The following SMYD2 variants were observed in gnomAD, a reference collection of about 807,000 sequenced individuals.
The protein encoded by SMYD2 is N-lysine methyltransferase SMYD2.
SMYD2 carries 53 observed loss-of-function variants against 59.1 expected under a neutral mutation model. The observed-to-expected ratio is 0.90, with a 90% CI of 0.72 to 1.13. SMYD2 has a LOEUF of 1.13. SMYD2 is among the 50% of genes most tolerant of loss of function. SMYD2 has a pLI of 0.00. For missense variants in SMYD2, 494 were observed against 544.7 expected (o/e 0.91, Z 0.93); for synonymous variants, 208 against 198.8 (o/e 1.05, Z -0.39).
chr1:214,308,813 A>G (rs953494943), intron 2 of SMYD2, among the ~76,000 whole-genome samples: 2 of 152,192 alleles, frequency 1.3e-5, no homozygotes, highest in African/African-American at 2.4e-5. Context: ...GTGGCAGAAC[A>G]GAGATGAGAC....
chr1:214,331,093 T>C (rs1165536926), intron 9 of SMYD2, 23 bp downstream of exon 9: 4 of 1,611,358 alleles, frequency 2.5e-6, no homozygotes, highest in African/African-American at 1.3e-5. Context: ...ACTGCCCTGA[T>C]AGCTTATTAT....
At chr1:214,309,524 G>T (rs930479849) in intron 2 of SMYD2, among the ~76,000 whole-genome samples, 1 of 152,288 alleles carries the variant, frequency 6.6e-6, no homozygotes, top group South Asian at 2.1e-4. Flanking sequence ...TGCTGAGGGG[G>T]TTATGAGTAA....
Position 214,312,382 on chromosome 1 carries a change from A to G in SMYD2, c.238-2380A>G, listed in dbSNP as rs1657011312. On this transcript the variant is annotated intron_variant, in intron 2 of 11. Transcript: ENST00000366957. This position sits in a 1 kb window ranked among gnomAD's most constrained non-coding sequence, Gnocchi z 4.1. ...AGTTCTGGGGTTACAGCTATGAACA[A>G]AACAAAATTTCTTTATTTTCCTGGG... is the stretch of plus-strand genomic sequence containing the variant. Among the ~76,000 whole-genome samples the G allele has an allele frequency of 6.6e-6, 1 of 152,216 alleles. No individual in the cohort carries two copies. Among genetic ancestry groups the G allele is most frequent in the South Asian group, 2.1e-4 (1 of 4,830 alleles).
At chr1:214,315,075 C>T (rs566642251) in intron 3 of SMYD2, among the ~76,000 whole-genome samples, 2 of 152,292 alleles carry the variant, frequency 1.3e-5, no homozygotes, top group South Asian at 4.1e-4. Flanking sequence ...TAGGATGTTG[C>T]TTACCCTAGA....
rs945256220 is a variant in SMYD2, at chr1:214,318,511, G to A, written c.410-348G>A. 2.6e-5 allele frequency among the ~76,000 whole-genome samples: 4 copies of A among 152,086 alleles called. No homozygotes were observed. Among genetic ancestry groups the A allele is most frequent in the Admixed American group, 1.3e-4 (2 of 15,260 alleles). On this transcript the variant is annotated intron_variant, in intron 4 of 11. Coordinates refer to ENST00000366957, the MANE Select transcript of SMYD2 (RefSeq NM_020197.3). The surrounding 1 kb of genome is among the most constrained non-coding windows in gnomAD (Gnocchi z 5.4). ...AGGGGTTGTCCAGTTGTTTGACCAC[G>A]GCCCAGATTCCCGGGCCAATTGGGG... is the stretch of plus-strand genomic sequence containing the variant.
intron 1 of SMYD2, among the ~76,000 whole-genome samples, chr1:214,293,884 C>G (rs1656679109): frequency 6.6e-6 from 1 of 152,040 alleles, no homozygotes; most frequent in Non-Finnish European, 1.5e-5. Context: ...CCATGTTGGT[C>G]TGGCTGGTTT....
At chr1:214,326,750 G>A (rs184280044) in intron 6 of SMYD2, among the ~76,000 whole-genome samples, 2 of 152,218 alleles carry the variant, frequency 1.3e-5, no homozygotes, top group Admixed American at 1.3e-4. Context: ...AGCAGGAGAG[G>A]GGCTGTGGTC....
chr1:214,318,157 C>G lies in SMYD2; in HGVS notation c.409+18C>G. 1 of 1,611,596 alleles carries G rather than the reference C, an allele frequency of 6.2e-7. No individual in the cohort carries two copies. On this transcript the variant is annotated intron_variant, in intron 4 of 11. Coordinates refer to ENST00000366957, the MANE Select transcript of SMYD2 (RefSeq NM_020197.3). This position sits in a 1 kb window ranked among gnomAD's most constrained non-coding sequence, Gnocchi z 5.4. ...TGAATCACGTAAGTCTTTCTGTGAC[C>G]AGCCGCGCAGTTCTCTCAGCCACAG...
At chr1:214,313,944 C>T (rs187671021) in intron 2 of SMYD2, among the ~76,000 whole-genome samples, 3 of 152,098 alleles carry the variant, frequency 2.0e-5, no homozygotes, top group East Asian at 1.9e-4. Flanking sequence ...TTTGGGAGGC[C>T]GAAGCAGGTG....
intron 1 of SMYD2, among the ~76,000 whole-genome samples, chr1:214,291,360 T>C (rs539370555): frequency 3.4e-4 from 52 of 152,218 alleles, no homozygotes; most frequent in Non-Finnish European, 7.1e-4. Flanking sequence ...TGTTTAACCA[T>C]GTTGGGACTC....
At chr1:214,315,477 A>G (rs572190272) in intron 3 of SMYD2, among the ~76,000 whole-genome samples, 1 of 152,340 alleles carries the variant, frequency 6.6e-6, no homozygotes, top group South Asian at 2.1e-4. Context: ...GAAACAGATG[A>G]TAGTCATCAA....
chr1:214,334,971 T>C (rs1330660735), intron 11 of SMYD2, among the ~76,000 whole-genome samples: 1 of 152,226 alleles, frequency 6.6e-6, no homozygotes, highest in Admixed American at 6.5e-5. Context: ...CGCCTTTGGT[T>C]TGATGGCGGC....
intron 8 of SMYD2, 81 bp from the exon 9 acceptor site, chr1:214,330,869 A>C: frequency 1.9e-6 from 3 of 1,595,500 alleles, no homozygotes; most frequent in African/African-American, 2.7e-5. Context: ...CTGTGTGGGA[A>C]TGTGTATTAT....
chr1:214,315,299 T>A (rs904666979), intron 3 of SMYD2, among the ~76,000 whole-genome samples: 1 of 152,148 alleles, frequency 6.6e-6, no homozygotes, highest in African/African-American at 2.4e-5. Flanking sequence ...CTTTCTTGGC[T>A]CCTTTCTTGC....
chr1:214,316,067 G>A (rs2102469627), intron 3 of SMYD2, among the ~76,000 whole-genome samples: 1 of 152,320 alleles, frequency 6.6e-6, no homozygotes, highest in East Asian at 1.9e-4. Flanking sequence ...GTGATCCAAT[G>A]AAATAGGCAG....
chr1:214,331,511 A>G (rs907045914), intron 9 of SMYD2: 1 of 185,218 alleles, frequency 5.4e-6, no homozygotes, highest in African/African-American at 2.3e-5. Flanking sequence ...GCTGATGGTG[A>G]TAGGATCTAG....
At position 214,336,425 on chromosome 1, in the gene SMYD2, G is replaced by A. The variant is rs191142155; in HGVS notation, c.1222-279G>A. Among the ~76,000 whole-genome samples, 95 of 152,286 alleles carry A rather than the reference G, an allele frequency of 6.2e-4. 1 individual carries two copies. Among genetic ancestry groups the A allele is most frequent in the Admixed American group, 5.2e-3 (79 of 15,302 alleles). On this transcript the variant is annotated intron_variant, in intron 11 of 11. Transcript: ENST00000366957. The stretch of plus-strand genomic sequence containing the variant: ...TGGGCGCCTGTGGTCCCAGCTACTC[G>A]GGAAGCTGAGGCAGGAGAATGGCGT...
At chr1:214,336,581 GGCTCTAATGGCCAGTT>G (rs1657442783) in intron 11 of SMYD2, 107 bp from the exon 12 acceptor site, 2 of 679,478 alleles carry the variant, frequency 2.9e-6, no homozygotes, top group Non-Finnish European at 5.0e-6. Context: ...GGAGAACATA[GGCTCTAATGGCCAGTT>G]TGCATCCTGT....
intron 1 of SMYD2, among the ~76,000 whole-genome samples, chr1:214,293,016 TGTGTGTGTGTGTGTGTGTGTGTG>T (rs1558048796): frequency 0.023 from 11 of 474 alleles, no homozygotes; most frequent in African/African-American, 0.14. Context: ...TCTGTTTGTG[TGTGTGTGTGTGTGTGTGTGTGTG>T]TGTGTGTGTG....
Sources: allele counts gnomAD v4.1 joint callset (sites outside exome capture counted in the v4.1 genomes callset), GRCh38; gene constraint gnomAD v4.1.1; non-coding constraint Gnocchi (gnomAD v3.1); transcripts MANE v1.5; gene names NCBI Gene and HGNC (gene_info 2026-07-23, HGNC 2026-07-21).